The following SLC9C1 variants were observed in gnomAD, a reference collection of about 807,000 sequenced individuals.
The protein encoded by SLC9C1 is solute carrier family 9 member C1, also known as sodium/hydrogen exchanger 10.
Under a neutral mutation model 140.9 loss-of-function variants are expected in SLC9C1, and 97 were observed. That is an observed-to-expected ratio of 0.69 (90% confidence interval 0.58 to 0.82). The LOEUF is 0.82. SLC9C1 is among the 40% of genes least tolerant of loss of function. SLC9C1 has a pLI of 0.00. For synonymous variants in SLC9C1, 440 were observed against 442.6 expected (o/e 0.99, Z 0.07); for missense variants, 1,340 against 1,389.3 (o/e 0.96, Z 0.56).
chr3:112,239,545 C>T (rs1003616055), intron 12 of SLC9C1, among the ~76,000 whole-genome samples: 2 of 152,212 alleles, frequency 1.3e-5, no homozygotes, highest in Admixed American at 6.5e-5. Context: ...TTCTGCATCA[C>T]TCATGCTGGG....
chr3:112,225,844 A>C (rs1366870087), intron 13 of SLC9C1, among the ~76,000 whole-genome samples: 2 of 152,194 alleles, frequency 1.3e-5, no homozygotes, highest in Non-Finnish European at 2.9e-5. Context: ...GAAGTTTACT[A>C]TATAATGATA....
At chr3:112,207,834 TA>T in intron 16 of SLC9C1, among the ~76,000 whole-genome samples, 1 of 152,272 alleles carries the variant, frequency 6.6e-6, no homozygotes, top group East Asian at 1.9e-4. Flanking sequence ...TAGAGAGATA[TA>T]AAAATATCTA....
intron 20 of SLC9C1, among the ~76,000 whole-genome samples, chr3:112,198,170 T>A (rs2077813883): frequency 6.6e-6 from 1 of 152,048 alleles, no homozygotes; most frequent in Non-Finnish European, 1.5e-5. Context: ...ACATAGGTGT[T>A]ATGTATTTTA....
chr3:112,242,745 G>A (rs1376989654), intron 11 of SLC9C1, among the ~76,000 whole-genome samples: 1 of 151,930 alleles, frequency 6.6e-6, no homozygotes, highest in East Asian at 1.9e-4. Flanking sequence ...TACCCTAATT[G>A]ATTATTACAC....
chr3:112,226,897 ATGT>A (rs1259563334), intron 13 of SLC9C1, among the ~76,000 whole-genome samples: 17 of 152,200 alleles, frequency 1.1e-4, no homozygotes, highest in Non-Finnish European at 2.1e-4. Flanking sequence ...GAAAAACAAA[ATGT>A]TGTTTTTTAA....
intron 4 of SLC9C1, 72 bp downstream of exon 4, chr3:112,278,657 A>G (rs1019765220): frequency 6.7e-7 from 1 of 1,483,510 alleles, no homozygotes; most frequent in Admixed American, 2.4e-5. Flanking sequence ...TTGGAAAAAA[A>G]TATTTTAAAA....
intron 26 of SLC9C1, among the ~76,000 whole-genome samples, chr3:112,157,778 G>C (rs899010066): frequency 6.8e-6 from 1 of 148,122 alleles, no homozygotes; most frequent in African/African-American, 2.5e-5. Flanking sequence ...TTTTTTTGTA[G>C]CTATTGTAAA....
At chr3:112,272,549 C>T (rs1196945020) in intron 6 of SLC9C1, among the ~76,000 whole-genome samples, 1 of 152,076 alleles carries the variant, frequency 6.6e-6, no homozygotes, top group Non-Finnish European at 1.5e-5. Flanking sequence ...AGCAGTAAAG[C>T]TTATTATCTT....
intron 15 of SLC9C1, among the ~76,000 whole-genome samples, chr3:112,211,777 G>C (rs2078213449): frequency 6.6e-6 from 1 of 152,200 alleles, no homozygotes; most frequent in Non-Finnish European, 1.5e-5. Context: ...TCCACCTCTG[G>C]GGGCAGGGCA....
chr3:112,192,512 G>T (rs2077684364), intron 20 of SLC9C1, among the ~76,000 whole-genome samples: 1 of 151,986 alleles, frequency 6.6e-6, no homozygotes, highest in South Asian at 2.1e-4. Context: ...ATGGACACTT[G>T]GGTGGTGTCT....
intron 11 of SLC9C1, among the ~76,000 whole-genome samples, chr3:112,243,289 TA>T (rs1284108126): frequency 6.6e-6 from 1 of 152,136 alleles, no homozygotes; most frequent in African/African-American, 2.4e-5. Flanking sequence ...GTGGAATGGA[TA>T]AAGAAAATGT....
At chr3:112,288,100 C>T (rs983982276) in intron 1 of SLC9C1, among the ~76,000 whole-genome samples, 11 of 150,422 alleles carry the variant, frequency 7.3e-5, no homozygotes, top group Non-Finnish European at 1.2e-4. Context: ...CTCTCATAAC[C>T]TGGCAAATTT....
chr3:112,231,397 C>T lies in SLC9C1; in HGVS notation c.1536G>A (p.Met512Ile). ...ACAAGAGACGCCTGTTGGCCAGCTC[C>T]ATTGCTTCAGTGTTAAAGATCTCAT... ...EIDEIFNTEAMELANRRLLSA... is the reference protein window; with the variant it reads ...EIDEIFNTEAIELANRRLLSA... Residue 512 changes from methionine (M) to isoleucine (I), a missense_variant, in exon 13 of 29, where the codon ATG becomes ATA. By Grantham distance (10) the Met-to-Ile change is conservative. Transcript: ENST00000305815. 1.9e-6 allele frequency: 3 copies of T among 1,613,428 alleles called. No individual in the cohort carries two copies. The highest frequency in any genetic ancestry group is 1.1e-5 in the South Asian group (1 of 91,024).
At chr3:112,259,587 A>AC (rs1355791449) in intron 10 of SLC9C1, among the ~76,000 whole-genome samples, 1 of 152,142 alleles carries the variant, frequency 6.6e-6, no homozygotes, top group African/African-American at 2.4e-5. Flanking sequence ...GTACACATGG[A>AC]CACAAGGAAG....
intron 21 of SLC9C1, among the ~76,000 whole-genome samples, chr3:112,181,122 ATATAT>A (rs1260307911): frequency 6.6e-6 from 1 of 152,220 alleles, no homozygotes; most frequent in Non-Finnish European, 1.5e-5. Context: ...AATATCTGAA[ATATAT>A]TAGTAATAAG....
In SLC9C1 at chr3:112,231,543, G is replaced by A. The variant is rs930920050; in HGVS notation, c.1447-57C>T. 2.0e-6 allele frequency: 3 copies of A among 1,498,950 alleles called. No individual in the cohort carries two copies. In the African/African-American group the frequency reaches 4.2e-5, roughly 21 times the overall value. 92.9% of individuals were successfully genotyped at this position (1,498,950 alleles called of 1,614,324 possible). On this transcript the variant is annotated intron_variant, in intron 12 of 28. Coordinates refer to ENST00000305815, the MANE Select transcript of SLC9C1 (RefSeq NM_183061.3). ...TACATGAATATTAACATATTGTTTA[G>A]CAAAATCCACAAGCAATTTTTGTAC...
At chr3:112,185,185 CTTATA>C (rs1392823934) in intron 20 of SLC9C1, among the ~76,000 whole-genome samples, 1 of 151,960 alleles carries the variant, frequency 6.6e-6, no homozygotes, top group African/African-American at 2.4e-5. Context: ...TGCCACTTGT[CTTATA>C]TAAGGAGATA....
rs115140522 is a variant in SLC9C1, at chr3:112,243,651, A to C, written c.1279+344T>G. On this transcript the variant is annotated intron_variant, in intron 11 of 28. Coordinates refer to ENST00000305815, the MANE Select transcript of SLC9C1 (RefSeq NM_183061.3). ...ACATGTCAAATAAAATTTGAAAAAA[A>C]TTAGGCACCACTGACTTGTATTTAT... Among the ~76,000 whole-genome samples, 318 of 152,142 alleles carry C rather than the reference A, an allele frequency of 2.1e-3. 1 individual carries two copies. The highest frequency in any genetic ancestry group is 7.3e-3 in the African/African-American group (302 of 41,498).
chr3:112,213,438 C>G (rs1198058433), intron 15 of SLC9C1, among the ~76,000 whole-genome samples: 1 of 152,134 alleles, frequency 6.6e-6, no homozygotes, highest in African/African-American at 2.4e-5. Context: ...CAAGACCCAT[C>G]AGTGTTCTGT....
Sources: gnomAD v4.1 joint callset for allele counts (sites outside exome capture counted in the v4.1 genomes callset) on GRCh38, gnomAD v4.1.1 for gene constraint, MANE v1.5 for transcripts, NCBI Gene and HGNC (gene_info 2026-07-23, HGNC 2026-07-21) for gene names.